COPG2: variants seen among roughly 807,000 people sequenced by gnomAD.
COPG2 encodes the protein coat protein complex I subunit gamma 2, also known as coatomer subunit gamma-2.
Under a neutral mutation model 46.3 loss-of-function variants are expected in COPG2, and 37 were observed. The ratio of observed to expected loss-of-function variants is 0.80; its 90% CI spans 0.61 to 1.05. The LOEUF (loss-of-function observed/expected upper bound fraction) is 1.05. Among genes scored for constraint, COPG2 ranks in the 50% least tolerant of loss-of-function variants. The pLI, the probability that COPG2 is intolerant of heterozygous loss-of-function variation, is 0.00. For missense variants in COPG2, 427 were observed against 387.8 expected, an observed-to-expected ratio of 1.10 and a Z score of -0.85; for synonymous variants, 159 against 129.7, an observed-to-expected ratio of 1.23 and a Z score of -1.53.
intron 9 of COPG2, among the ~76,000 whole-genome samples, chr7:130,596,964 T>C (rs915772129): frequency 2.0e-5 from 3 of 152,224 alleles, no homozygotes; most frequent in Non-Finnish European, 4.4e-5. Context: ...TTAAATCTTT[T>C]TTGTAAACAT....
intron 9 of COPG2, among the ~76,000 whole-genome samples, chr7:130,580,347 T>A: frequency 8.2e-6 from 1 of 121,552 alleles, no homozygotes; most frequent in Non-Finnish European, 1.7e-5. Context: ...TTCAAAGCAG[T>A]GTGTAGAGGG....
chr7:130,633,365 T>G (rs781366002), intron 5 of COPG2, among the ~76,000 whole-genome samples: 10 of 152,204 alleles, frequency 6.6e-5, no homozygotes, highest in Non-Finnish European at 1.5e-4. Context: ...CCACCAACAG[T>G]GTAAAGGCAT....
intron 5 of COPG2, among the ~76,000 whole-genome samples, chr7:130,642,181 T>C (rs532796673): frequency 2.6e-5 from 4 of 152,180 alleles, no homozygotes; most frequent in South Asian, 4.1e-4. Context: ...CTTCTTGTAA[T>C]GAGTAGAACA....
rs1363701500 is a variant in COPG2, at chr7:130,538,787, ACT to A, written c.2149+8885_2149+8886del. Among the ~76,000 whole-genome samples, 3 of 152,248 alleles carry A rather than the reference ACT, an allele frequency of 2.0e-5. No individual in the cohort carries two copies. In the East Asian group the frequency reaches 5.8e-4, roughly 29 times the overall value. On this transcript the variant is annotated intron_variant, in intron 20 of 23. Transcript: ENST00000425248. ...GGAGAGAAGACAATTCCTAGTGACC[ACT>A]GAGTCTGAACCTCTGTTGTCAAGGG...
At chr7:130,645,659 C>G (rs1795581930) in intron 5 of COPG2, 1 of 158,876 alleles carries the variant, frequency 6.3e-6, no homozygotes, top group African/African-American at 2.4e-5. Context: ...GATTAGGAAG[C>G]AAAAGAAAGA....
chr7:130,516,599 G>T (rs1799680254), intron 20 of COPG2, among the ~76,000 whole-genome samples: 2 of 152,286 alleles, frequency 1.3e-5, no homozygotes, highest in South Asian at 4.1e-4. Flanking sequence ...AAGAGAACGT[G>T]TGAATGAGGT....
intron 5 of COPG2, among the ~76,000 whole-genome samples, chr7:130,627,609 T>C (rs534603877): frequency 1.3e-5 from 2 of 152,284 alleles, no homozygotes; most frequent in Admixed American, 6.5e-5. Context: ...CAATTCTTTT[T>C]ACCGTCTTCA....
intron 20 of COPG2, among the ~76,000 whole-genome samples, chr7:130,544,767 CT>C (rs1290715759): frequency 1.3e-4 from 20 of 152,192 alleles, no homozygotes; most frequent in Admixed American, 1.2e-3. Context: ...GCCTTAAAGG[CT>C]TTTCTAAAAC....
rs1198489452 is a variant in COPG2, at chr7:130,564,372, A to G, written c.759T>C (p.Asp253=). 2.5e-6 allele frequency: 1 copy of G among 398,490 alleles called. No individual in the cohort carries two copies. Among genetic ancestry groups the G allele is most frequent in the East Asian group, 3.6e-5 (1 of 28,074 alleles). The allele number at this position is 398,490 out of a possible 1,614,324, so 24.7% of individuals were successfully genotyped here. The change falls in exon 10 of 24, where the codon GAT becomes GAC. Residue 253 remains aspartate, a synonymous_variant. Transcript: ENST00000425248. ...TATTTCGCAAGCAGCTCTCAATGAAATCAAACAGTGGACTTTCATGGCTGC... is the reference window on the plus strand; with the variant it reads ...TATTTCGCAAGCAGCTCTCAATGAAGTCAAACAGTGGACTTTCATGGCTGC... ...TEDGHESPLF[D]FIESCLRNKH...
chr7:130,644,394 T>C (rs1222418093), intron 5 of COPG2, among the ~76,000 whole-genome samples: 4 of 152,206 alleles, frequency 2.6e-5, no homozygotes, highest in Admixed American at 1.3e-4. Flanking sequence ...AGTAGAAAGT[T>C]AGCCCTTTTC....
At chr7:130,511,315 G>T (rs1563033132) in intron 20 of COPG2, 1 of 431,202 alleles carries the variant, frequency 2.3e-6, no homozygotes, top group Admixed American at 3.0e-5. Flanking sequence ...GAAGGCAAAA[G>T]AGATGGATCT....
intron 5 of COPG2, among the ~76,000 whole-genome samples, chr7:130,618,627 T>C (rs1794988849): frequency 6.6e-6 from 1 of 152,192 alleles, no homozygotes; most frequent in Non-Finnish European, 1.5e-5. Flanking sequence ...GTGACTTTTC[T>C]ATTATAAAGG....
intron 4 of COPG2, among the ~76,000 whole-genome samples, chr7:130,661,639 A>G (rs1422254869): frequency 2.6e-5 from 4 of 152,244 alleles, no homozygotes; most frequent in Non-Finnish European, 5.9e-5. Context: ...CACAGCATGC[A>G]GTGGCAAAAT....
chr7:130,583,792 C>A (rs1794206635), intron 9 of COPG2, among the ~76,000 whole-genome samples: 2 of 106,584 alleles, frequency 1.9e-5, no homozygotes, highest in African/African-American at 7.4e-5. Context: ...GGCAACAGAG[C>A]GAGACTCCAT....
intron 20 of COPG2, among the ~76,000 whole-genome samples, chr7:130,518,898 C>T (rs983619361): frequency 3.1e-4 from 46 of 150,636 alleles, no homozygotes; most frequent in African/African-American, 8.8e-4. Context: ...CCCAGCTACT[C>T]GGGAGGCTGA....
intron 3 of COPG2, 44 bp downstream of exon 3, chr7:130,666,805 C>G: frequency 1.2e-6 from 1 of 846,520 alleles, no homozygotes; most frequent in Non-Finnish European, 1.9e-6. Context: ...TTCAGTATTT[C>G]TATTCCAGGA....
At chr7:130,576,145 A>T (rs1554446199) in intron 9 of COPG2, among the ~76,000 whole-genome samples, 1 of 152,222 alleles carries the variant, frequency 6.6e-6, no homozygotes, top group Non-Finnish European at 1.5e-5. Flanking sequence ...CTCCACTGAC[A>T]GCACTAGACA....
At chr7:130,590,545 C>T (rs538140256) in intron 9 of COPG2, among the ~76,000 whole-genome samples, 150,921 of 151,568 alleles carry the variant, frequency 1, 75,138 homozygotes, top group Middle Eastern at 1. Context: ...GACGGAGTTG[C>T]GTTCACTCAG....
chr7:130,634,217 C>G (rs1795289035), intron 5 of COPG2, among the ~76,000 whole-genome samples: 1 of 152,030 alleles, frequency 6.6e-6, no homozygotes, highest in Non-Finnish European at 1.5e-5. Flanking sequence ...TTTTTTGGTT[C>G]CATATGAAAT....
Sources: allele counts gnomAD v4.1 joint callset (sites outside exome capture counted in the v4.1 genomes callset), GRCh38; gene constraint gnomAD v4.1.1; transcripts MANE v1.5; gene names NCBI Gene and HGNC (gene_info 2026-07-23, HGNC 2026-07-21).